Variants in ST7L observed in about 807,000 individuals in gnomAD.
The protein encoded by ST7L is suppression of tumorigenicity 7 like.
ST7L carries 57 observed loss-of-function variants against 72.5 expected under a neutral mutation model. That is an observed-to-expected ratio of 0.79 (90% CI 0.64 to 0.98). ST7L has a LOEUF of 0.98. Among genes scored for constraint, ST7L ranks in the 50% least tolerant of loss-of-function variants. The pLI is 0.00. For missense variants in ST7L, 576 were observed against 672.2 expected (o/e 0.86, Z 1.58); for synonymous variants, 221 against 240.9 (o/e 0.92, Z 0.77).
chr1:112,556,992 A>AAAAAAAAAAAAAAAAAAAAAC (rs1659288780), intron 11 of ST7L, among the ~76,000 whole-genome samples: 1 of 143,474 alleles, frequency 7.0e-6, no homozygotes, highest in African/African-American at 2.8e-5. Flanking sequence ...AAACAAAAAA[A>AAAAAAAAAAAAAAAAAAAAAC]AAAAAACACA....
chr1:112,569,685 G>A (rs1040889781), intron 11 of ST7L, among the ~76,000 whole-genome samples: 1 of 152,180 alleles, frequency 6.6e-6, no homozygotes, highest in African/African-American at 2.4e-5. Flanking sequence ...TCAGCTGGGC[G>A]CAGTGGCTTA....
At chr1:112,568,888 A>ATATATATATATATATATAT (rs1557994022) in intron 11 of ST7L, among the ~76,000 whole-genome samples, 1 of 132,176 alleles carries the variant, frequency 7.6e-6, no homozygotes, top group African/African-American at 3.1e-5. Flanking sequence ...ATATATATAT[A>ATATATATATATATATATAT]AAACAAAAAT....
chr1:112,584,007 C>T lies in ST7L; in HGVS notation c.821G>A (p.Cys274Tyr), dbSNP rs779702551. Residue 274 changes from cysteine (C) to tyrosine (Y), a missense_variant, in exon 7 of 15, where the codon TGC becomes TAC. Cys to Tyr is a radical substitution (Grantham distance 194, BLOSUM62 -2). Transcript: ENST00000358039. ...GETIYRQSQQ[C>Y]QHQSPQHEAQ... ...TTCATGCTGAGGACTTTGGTGCTGG[C>T]ACTGCTGTGACTGCCTATAAATTGT... 7 of 1,614,102 alleles carry T rather than the reference C, an allele frequency of 4.3e-6. No individual in the cohort carries two copies. In the East Asian group the frequency reaches 1.6e-4, roughly 36 times the overall value.
At chr1:112,541,717 T>C in intron 14 of ST7L, 1 of 1,063,764 alleles carries the variant, frequency 9.4e-7, no homozygotes, top group Non-Finnish European at 1.2e-6. Flanking sequence ...AACTTTATAA[T>C]GTTATATTGT....
chr1:112,571,317 A>C (rs1409101220), intron 11 of ST7L: 10 of 456,328 alleles, frequency 2.2e-5, no homozygotes, highest in African/African-American at 4.0e-5. Context: ...AACTGCTTTG[A>C]TATTTAGTTG....
rs202217370 is a variant in ST7L at position 112,578,424 on chromosome 1, C to G, written c.1070-7G>C. On this transcript the variant is annotated splice_region_variant and splice_polypyrimidine_tract_variant and intron_variant, in intron 9 of 14. Transcript: ENST00000358039. ...GACTTTGGAAGGCTTATATCTGTAACGATAATTTTCAATTTAGGTAGGAAT... is the reference window on the plus strand; with the variant it reads ...GACTTTGGAAGGCTTATATCTGTAAGGATAATTTTCAATTTAGGTAGGAAT... 12 of 1,613,142 alleles carry G rather than the reference C, an allele frequency of 7.4e-6. No individual in the cohort carries two copies. In the African/African-American group the frequency reaches 1.2e-4, roughly 16 times the overall value.
At position 112,617,715 on chromosome 1, in the gene ST7L, T is replaced by TCACACACACACA. The variant is rs761146961; in HGVS notation, c.206-821_206-820insTGTGTGTGTGTG. On this transcript the variant is annotated intron_variant, in intron 1 of 14. Coordinates refer to ENST00000358039, the MANE Select transcript of ST7L (RefSeq NM_017744.5). Reference sequence around the variant, plus strand: ...GGGAGACTCTGTCTGTCTTTCTCTCTCTCACACACACACACACACACACAC... The same window carrying TCACACACACACA: ...GGGAGACTCTGTCTGTCTTTCTCTCTCACACACACACACTCACACACACACACACACACACAC... 1.2e-4 allele frequency among the ~76,000 whole-genome samples: 15 copies of TCACACACACACA among 123,146 alleles called. No homozygotes were observed. The East Asian group carries it at 2.1e-3, about 17-fold the overall frequency. The allele number at this position is 123,146 out of a possible 152,430, so 80.8% of individuals were successfully genotyped here.
chr1:112,578,505 G>A (rs1663516280), intron 9 of ST7L, 88 bp from the exon 10 acceptor site: 3 of 1,158,320 alleles, frequency 2.6e-6, no homozygotes, highest in African/African-American at 1.5e-5. Context: ...GCCAGGCATG[G>A]TGGCTCATGC....
chr1:112,551,189 C>G (rs531856746), intron 12 of ST7L, among the ~76,000 whole-genome samples: 3 of 125,238 alleles, frequency 2.4e-5, no homozygotes, highest in Non-Finnish European at 4.7e-5. Flanking sequence ...TGCTCTGTTG[C>G]CCAGGCTGGA....
intron 11 of ST7L, among the ~76,000 whole-genome samples, chr1:112,562,268 TACTTTCTTTA>T (rs1409126506): frequency 1.3e-5 from 2 of 152,220 alleles, no homozygotes; most frequent in Admixed American, 6.5e-5. Context: ...GTGCCCAATC[TACTTTCTTTA>T]ACTTAGATAG....
At chr1:112,542,290 G>A (rs1338537607) in intron 13 of ST7L, among the ~76,000 whole-genome samples, 200 bp from the exon 14 acceptor site, 2 of 152,192 alleles carry the variant, frequency 1.3e-5, no homozygotes, top group East Asian at 3.8e-4. Flanking sequence ...CCAGACAACT[G>A]TGCTGGGTGT....
chr1:112,543,911 G>A (rs982639917), intron 13 of ST7L, among the ~76,000 whole-genome samples: 4 of 147,912 alleles, frequency 2.7e-5, no homozygotes, highest in Admixed American at 2.7e-4. Context: ...GCAAACTGAA[G>A]GCCTAGGATT....
At chr1:112,519,898 C>CAA (rs987725277), downstream of ST7L, among the ~76,000 whole-genome samples, 2 of 77,124 alleles carry the variant, frequency 2.6e-5, no homozygotes, top group African/African-American at 8.9e-5. Context: ...TTTTTGGAGA[C>CAA]AGAGTTTCAC....
chr1:112,532,086 C>A (rs1654480681), intron 14 of ST7L, among the ~76,000 whole-genome samples: 1 of 152,062 alleles, frequency 6.6e-6, no homozygotes, highest in Non-Finnish European at 1.5e-5. Context: ...AATTAGAATC[C>A]CTGGGCTCGC....
intron 11 of ST7L, among the ~76,000 whole-genome samples, chr1:112,573,500 C>CA (rs1662517934): frequency 6.6e-6 from 1 of 151,144 alleles, no homozygotes; most frequent in African/African-American, 2.4e-5. Context: ...TACAACTTAA[C>CA]AAAAACATAA....
Position 112,550,607 on chromosome 1 carries a change from A to G in ST7L, c.1483T>C (p.Leu495=). 6.2e-7 allele frequency: 1 copy of G among 1,611,358 alleles called. No individual in the cohort carries two copies. Among genetic ancestry groups the G allele is most frequent in the Non-Finnish European group, 8.5e-7 (1 of 1,177,818 alleles). ...SCTETADREL[L]PTFHHVSVYP... ...AACTAAAATATTTACTTACTAGGTA[A>G]TAGCTCTCTATCAGCCGTCTCTGTG... is the stretch of plus-strand genomic sequence containing the variant. The change falls in exon 13 of 15, where the codon TTA becomes CTA. Residue 495 remains leucine, a synonymous_variant. Coordinates refer to ENST00000358039, the MANE Select transcript of ST7L (RefSeq NM_017744.5).
At chr1:112,549,307 C>T (rs760688799) in intron 13 of ST7L, among the ~76,000 whole-genome samples, 1 of 152,108 alleles carries the variant, frequency 6.6e-6, no homozygotes, top group Non-Finnish European at 1.5e-5. Flanking sequence ...GCACAAGAAT[C>T]GCCTGAACCC....
At chr1:112,597,899 A>T in intron 5 of ST7L, 72 bp downstream of exon 5, 1 of 1,115,788 alleles carries the variant, frequency 9.0e-7, no homozygotes, top group Non-Finnish European at 1.3e-6. Context: ...ATATTATAAT[A>T]AATAACTCTA....
At chr1:112,568,768 G>A (rs1475943692) in intron 11 of ST7L, among the ~76,000 whole-genome samples, 2 of 148,934 alleles carry the variant, frequency 1.3e-5, no homozygotes, top group South Asian at 2.1e-4. Flanking sequence ...CTAGCACTTC[G>A]GGAAGCTGAG....
Sources: allele counts gnomAD v4.1 joint callset (sites outside exome capture counted in the v4.1 genomes callset), GRCh38; gene constraint gnomAD v4.1.1; transcripts MANE v1.5; gene names NCBI Gene and HGNC (gene_info 2026-07-23, HGNC 2026-07-21).